AHI1: variants seen among roughly 807,000 people sequenced by gnomAD.
AHI1 encodes Abelson helper integration site 1, also known as jouberin.
A neutral mutation model predicts 149.3 loss-of-function variants in AHI1; 123 were observed. That is an observed-to-expected ratio of 0.82 (90% CI 0.71 to 0.96). The LOEUF is 0.96. Among genes scored for constraint, AHI1 ranks in the 40% least tolerant of loss-of-function variants. AHI1 has a pLI of 0.00. For missense variants in AHI1, 1,439 were observed against 1,422.7 expected, an observed-to-expected ratio of 1.01 and a Z score of -0.18; for synonymous variants, 475 against 459.8, an observed-to-expected ratio of 1.03 and a Z score of -0.42.
intron 24 of AHI1, among the ~76,000 whole-genome samples, chr6:135,340,150 T>A (rs1346093932): frequency 1.3e-5 from 2 of 152,074 alleles, no homozygotes; most frequent in East Asian, 3.9e-4. Flanking sequence ...GGCGGGTGGA[T>A]CATGAGGTCA....
In AHI1 at chr6:135,323,236, T is replaced by C. The variant is rs1472903432; in HGVS notation, c.3254A>G (p.Asn1085Ser). ...GDIIRVFFKD[N>S]EDWWYGSIGK... Reference sequence around the variant, plus strand: ...TATGCTGCCATACCACCAGTCTTCATTATCTTTGAAAAACACTCGGATAAT... The same window carrying C: ...TATGCTGCCATACCACCAGTCTTCACTATCTTTGAAAAACACTCGGATAAT... The change falls in exon 25 of 29, where the codon AAT (asparagine) becomes AGT (serine). Residue 1085 changes from asparagine (N) to serine (S), a missense_variant. Transcript: ENST00000265602. 1.9e-6 allele frequency: 3 copies of C among 1,613,774 alleles called. No homozygotes were observed. Among genetic ancestry groups the C allele is most frequent in the Non-Finnish European group, 2.5e-6 (3 of 1,179,834 alleles).
At chr6:135,438,623 T>C in intron 14 of AHI1, 125 bp from the exon 15 acceptor site, 1 of 731,520 alleles carries the variant, frequency 1.4e-6, no homozygotes, top group Non-Finnish European at 1.9e-6. Context: ...CAAAGACATT[T>C]GCAGCACAGA....
chr6:135,291,686 G>A (rs145330527), intron 27 of AHI1, among the ~76,000 whole-genome samples: 55 of 152,228 alleles, frequency 3.6e-4, no homozygotes, highest in African/African-American at 1.2e-3. Context: ...GTAAGTAAGT[G>A]AAATGAAGTC....
chr6:135,375,134 T>C (rs924720520), intron 23 of AHI1, among the ~76,000 whole-genome samples: 12 of 152,190 alleles, frequency 7.9e-5, no homozygotes, highest in African/African-American at 2.7e-4. Context: ...GAACATCCCA[T>C]GTTGTGTGAC....
intron 11 of AHI1, among the ~76,000 whole-genome samples, chr6:135,450,710 C>T (rs572018986): frequency 9.2e-5 from 14 of 152,258 alleles, no homozygotes; most frequent in Admixed American, 3.9e-4. Context: ...TACATTAATA[C>T]GTTGCTTAGC....
rs761997683 is a variant in AHI1, at chr6:135,482,894, C to CTTTTTTTTT, written c.135+7720_135+7728dup. On this transcript the variant is annotated intron_variant, in intron 5 of 28. Coordinates refer to ENST00000265602, the MANE Select transcript of AHI1 (RefSeq NM_001134831.2). ...TTCAACCAGTATAATCCATTTAAGG[C>CTTTTTTTTT]TTTTTTTTTTTTTTTGAGACAGAGT... 9.7e-4 allele frequency among the ~76,000 whole-genome samples: 54 copies of CTTTTTTTTT among 55,728 alleles called. 19 individuals carry two copies. The highest frequency in any genetic ancestry group is 4.8e-3 in the East Asian group (8 of 1,678). The allele number at this position is 55,728 out of a possible 152,430, so 36.6% of individuals were successfully genotyped here.
chr6:135,326,629 C>T (rs545941120), intron 24 of AHI1, among the ~76,000 whole-genome samples: 5 of 151,902 alleles, frequency 3.3e-5, no homozygotes, highest in South Asian at 2.1e-4. Flanking sequence ...GGCGCCATCT[C>T]GGCTCACTGC....
At chr6:135,312,941 TAA>T (rs916246143) in intron 26 of AHI1, among the ~76,000 whole-genome samples, 1 of 152,174 alleles carries the variant, frequency 6.6e-6, no homozygotes, top group Non-Finnish European at 1.5e-5. Flanking sequence ...ATAATAAAAA[TAA>T]GACTTGAACA....
intron 5 of AHI1, among the ~76,000 whole-genome samples, chr6:135,470,475 A>G (rs1247011216): frequency 6.6e-6 from 1 of 152,246 alleles, no homozygotes; most frequent in Non-Finnish European, 1.5e-5. Context: ...GTATATACCC[A>G]AAGGAATATA....
chr6:135,483,587 G>T (rs190312843), intron 5 of AHI1, among the ~76,000 whole-genome samples: 1 of 152,256 alleles, frequency 6.6e-6, no homozygotes, highest in East Asian at 1.9e-4. Flanking sequence ...AATAATTATA[G>T]CTACAATTTG....
chr6:135,429,236 C>T (rs1252100894), intron 18 of AHI1, among the ~76,000 whole-genome samples: 1 of 151,576 alleles, frequency 6.6e-6, no homozygotes, highest in African/African-American at 2.4e-5. Context: ...AAACCATCTG[C>T]TAAATATGGT....
intron 24 of AHI1, among the ~76,000 whole-genome samples, chr6:135,325,996 G>A (rs1787615456): frequency 6.6e-6 from 1 of 152,138 alleles, no homozygotes; most frequent in Non-Finnish European, 1.5e-5. Flanking sequence ...TCCCTTCAGA[G>A]GCACAGGGGT....
At chr6:135,376,772 C>T (rs1775979295) in intron 23 of AHI1, among the ~76,000 whole-genome samples, 1 of 151,214 alleles carries the variant, frequency 6.6e-6, no homozygotes, top group Non-Finnish European at 1.5e-5. Flanking sequence ...ATCCCAGCTA[C>T]TCGGGAGGCT....
At chr6:135,417,143 T>C (rs1292892736) in intron 20 of AHI1, among the ~76,000 whole-genome samples, 2 of 152,074 alleles carry the variant, frequency 1.3e-5, no homozygotes, top group Non-Finnish European at 2.9e-5. Context: ...AATAAACAAA[T>C]GCATATCATG....
At chr6:135,492,700 G>A in intron 3 of AHI1, 1 of 985,286 alleles carries the variant, frequency 1.0e-6, no homozygotes. Flanking sequence ...GCATGCTTGT[G>A]GGTAGCACAC....
intron 26 of AHI1, chr6:135,300,790 G>C (rs1783772461): frequency 9.7e-7 from 1 of 1,035,602 alleles, no homozygotes; most frequent in Admixed American, 5.7e-5. Context: ...TCATTTATAA[G>C]TAAAGTCAGC....
At chr6:135,462,459 T>TA (rs1790055628) in intron 8 of AHI1, among the ~76,000 whole-genome samples, 2 of 151,092 alleles carry the variant, frequency 1.3e-5, no homozygotes, top group Admixed American at 6.6e-5. Flanking sequence ...CAGAAATGTT[T>TA]ATTGGCTGCT....
chr6:135,375,662 C>G (rs1047354361), intron 23 of AHI1, among the ~76,000 whole-genome samples: 1 of 151,962 alleles, frequency 6.6e-6, no homozygotes. Context: ...TTATGTCAAA[C>G]GAAAGCATAC....
intron 23 of AHI1, among the ~76,000 whole-genome samples, chr6:135,366,239 GTTTTC>G: frequency 6.7e-6 from 1 of 149,790 alleles, no homozygotes; most frequent in Non-Finnish European, 1.5e-5. Flanking sequence ...TTGGTCTGCA[GTTTTC>G]TTTTTTTTTT....
Sources: allele counts gnomAD v4.1 joint callset (sites outside exome capture counted in the v4.1 genomes callset), GRCh38; gene constraint gnomAD v4.1.1; transcripts MANE v1.5; gene names NCBI Gene and HGNC (gene_info 2026-07-23, HGNC 2026-07-21).